Variants in STK32B observed in about 807,000 individuals in gnomAD.
STK32B encodes serine/threonine kinase 32B, also known as serine/threonine-protein kinase 32B.
In STK32B, 43 loss-of-function variants were observed where a neutral mutation model predicts 52.6. The observed-to-expected ratio is 0.82, with a 90% CI of 0.64 to 1.05. STK32B has a LOEUF of 1.05. STK32B is among the 50% of genes least tolerant of loss of function. STK32B has a pLI of 0.00. For synonymous variants in STK32B, 238 were observed against 204.3 expected (o/e 1.17, Z -1.41); for missense variants, 621 against 534.6 (o/e 1.16, Z -1.59).
At chr4:5,274,941 C>T (rs540778743) in intron 3 of STK32B, among the ~76,000 whole-genome samples, 9 of 152,312 alleles carry the variant, frequency 5.9e-5, no homozygotes, top group South Asian at 2.1e-4. Context: ...TGTTCATGCA[C>T]GGCTAAGTGC....
chr4:5,373,477 C>G (rs892538654), intron 4 of STK32B, among the ~76,000 whole-genome samples: 13 of 152,188 alleles, frequency 8.5e-5, no homozygotes, highest in African/African-American at 3.1e-4. Flanking sequence ...CCCTTTTTCT[C>G]AGGGGAAGAT....
intron 4 of STK32B, among the ~76,000 whole-genome samples, chr4:5,363,152 C>T (rs575983717): frequency 6.6e-6 from 1 of 152,296 alleles, no homozygotes; most frequent in East Asian, 1.9e-4. Flanking sequence ...AACACGGTGC[C>T]TATCAGGAAT....
At position 5,322,882 on chromosome 4, in the gene STK32B, A is replaced by G. The variant is rs148828267; in HGVS notation, c.261-8338A>G. Among the ~76,000 whole-genome samples the G allele has an allele frequency of 1.6e-4, 24 of 152,268 alleles. No homozygotes were observed. The East Asian group carries it at 4.4e-3, about 28-fold the overall frequency. Reference sequence around the variant, plus strand: ...CCTCATATGTGTTCACGTGTATTTCATGTGTTATCAGCATGGCTGACCTTT... The same window carrying G: ...CCTCATATGTGTTCACGTGTATTTCGTGTGTTATCAGCATGGCTGACCTTT... On this transcript the variant is annotated intron_variant, in intron 3 of 11. Coordinates refer to ENST00000282908, the MANE Select transcript of STK32B (RefSeq NM_018401.3).
At chr4:5,357,167 G>A (rs533745157) in intron 4 of STK32B, among the ~76,000 whole-genome samples, 1 of 152,130 alleles carries the variant, frequency 6.6e-6, no homozygotes, top group African/African-American at 2.4e-5. Flanking sequence ...GAAAGGATTT[G>A]CTCACACAGC....
intron 3 of STK32B, among the ~76,000 whole-genome samples, chr4:5,216,096 C>T (rs908753050): frequency 1.3e-5 from 2 of 152,146 alleles, no homozygotes; most frequent in African/African-American, 4.8e-5. Flanking sequence ...ACTAGTGGTT[C>T]TCAAACCTCA....
At chr4:5,028,430 G>A in the STK32B span, among the ~76,000 whole-genome samples, 5 of 152,212 alleles carry the variant, frequency 3.3e-5, no homozygotes, top group African/African-American at 1.2e-4. Context: ...CTGTCCCCTT[G>A]AAGTTACATA....
intron 3 of STK32B, among the ~76,000 whole-genome samples, chr4:5,274,758 CTG>C (rs1262412325): frequency 1.3e-5 from 2 of 152,128 alleles, no homozygotes; most frequent in African/African-American, 2.4e-5. Flanking sequence ...CTGCACTCTT[CTG>C]TGTTTGTTAC....
intron 11 of STK32B, among the ~76,000 whole-genome samples, chr4:5,479,125 T>G (rs1226078872): frequency 9.0e-6 from 1 of 110,854 alleles, no homozygotes; most frequent in African/African-American, 7.1e-5. Context: ...TTGTTTTTGT[T>G]TTTTTTTTTT....
In STK32B at chr4:5,394,971, A is replaced by C. The variant is rs1246919217; in HGVS notation, c.435-3236A>C. On this transcript the variant is annotated intron_variant, in intron 4 of 11. Coordinates refer to ENST00000282908, the MANE Select transcript of STK32B (RefSeq NM_018401.3). The surrounding 1 kb of genome is among the most constrained non-coding windows in gnomAD (Gnocchi z 4.2). ...TCTGCATAGGATCTCACAAAACTAC[A>C]ATCCACATGCCCACCGGGCTGCACT... 5.3e-5 allele frequency among the ~76,000 whole-genome samples: 8 copies of C among 152,090 alleles called. No homozygotes were observed. Among genetic ancestry groups the C allele is most frequent in the Admixed American group, 5.2e-4 (8 of 15,278 alleles).
At chr4:5,271,948 A>C (rs1727465878) in intron 3 of STK32B, among the ~76,000 whole-genome samples, 1 of 148,382 alleles carries the variant, frequency 6.7e-6, no homozygotes, top group Non-Finnish European at 1.5e-5. Flanking sequence ...TGTCATCTGC[A>C]AACAGGGACA....
intron 4 of STK32B, among the ~76,000 whole-genome samples, chr4:5,393,338 G>A (rs571258399): frequency 4.6e-5 from 7 of 152,176 alleles, no homozygotes; most frequent in Non-Finnish European, 8.8e-5. Flanking sequence ...AATCCTCACT[G>A]TAGCCATTAG....
At chr4:5,184,914 G>T (rs1365514200) in intron 3 of STK32B, among the ~76,000 whole-genome samples, 2 of 144,822 alleles carry the variant, frequency 1.4e-5, no homozygotes, top group Admixed American at 1.3e-4. Flanking sequence ...GCTGTCAAGA[G>T]AAGCACAGGA....
chr4:5,258,107 G>A (rs1290284730), intron 3 of STK32B, among the ~76,000 whole-genome samples: 1 of 152,176 alleles, frequency 6.6e-6, no homozygotes, highest in Non-Finnish European at 1.5e-5. Context: ...TCAATTCATA[G>A]GAAACACTCA....
intron 3 of STK32B, among the ~76,000 whole-genome samples, chr4:5,298,792 G>C (rs1277281612): frequency 3.3e-5 from 5 of 151,612 alleles, no homozygotes; most frequent in Non-Finnish European, 7.4e-5. Context: ...TTCCAGGGGA[G>C]TGAATGGTTC....
chr4:5,494,701 C>T (rs1187016527), intron 11 of STK32B, among the ~76,000 whole-genome samples: 1 of 152,182 alleles, frequency 6.6e-6, no homozygotes, highest in East Asian at 1.9e-4. Flanking sequence ...CATGATGTTG[C>T]AGTGGCTGCT....
At chr4:5,255,876 G>C (rs1239837927) in intron 3 of STK32B, among the ~76,000 whole-genome samples, 2 of 152,106 alleles carry the variant, frequency 1.3e-5, no homozygotes, top group Non-Finnish European at 2.9e-5. Context: ...GAATAAAGCT[G>C]CTGTGCACAT....
At chr4:5,047,881 G>A (rs952698352), upstream of STK32B, among the ~76,000 whole-genome samples, 1 of 152,198 alleles carries the variant, frequency 6.6e-6, no homozygotes, top group African/African-American at 2.4e-5. Context: ...AAGATCTTGA[G>A]AAGAGATCAT....
intron 11 of STK32B, among the ~76,000 whole-genome samples, chr4:5,489,733 G>C (rs1719551999): frequency 1.3e-5 from 2 of 151,962 alleles, no homozygotes; most frequent in Admixed American, 1.3e-4. Context: ...CGATTCCCCT[G>C]CCTCAACCAA....
chr4:5,216,574 G>A (rs947161009), intron 3 of STK32B, among the ~76,000 whole-genome samples: 2 of 152,148 alleles, frequency 1.3e-5, no homozygotes, highest in Admixed American at 6.5e-5. Flanking sequence ...GAGGAGGGTG[G>A]GCAGGGAGAG....
Sources: gnomAD v4.1 joint callset for allele counts (sites outside exome capture counted in the v4.1 genomes callset) on GRCh38, gnomAD v4.1.1 for gene constraint, Gnocchi (gnomAD v3.1) non-coding constraint, MANE v1.5 for transcripts, NCBI Gene and HGNC (gene_info 2026-07-23, HGNC 2026-07-21) for gene names.